RARA: variants seen among roughly 807,000 people sequenced by gnomAD.
The protein encoded by RARA is PML-DDX5-RARA fusion.
A neutral mutation model predicts 42.8 loss-of-function variants in RARA; 5 were observed. The observed-to-expected ratio is 0.12, with a 90% CI of 0.06 to 0.25. The LOEUF (loss-of-function observed/expected upper bound fraction) is 0.25, where lower values mean the gene tolerates loss of function less well. RARA is among the 10% of genes least tolerant of loss of function. The probability of loss-of-function intolerance (pLI) is 1.00; values close to 1 mark genes in which losing one functional copy is unlikely to be tolerated. For missense variants in RARA, 402 were observed against 628.7 expected (o/e 0.64, Z 3.86); for synonymous variants, 256 against 259.5 (o/e 0.99, Z 0.13).
At chr17:40,334,589 C>T (rs1447993073) in intron 2 of RARA, among the ~76,000 whole-genome samples, 1 of 152,174 alleles carries the variant, frequency 6.6e-6, no homozygotes, top group Non-Finnish European at 1.5e-5. Flanking sequence ...TTTAGCCTTC[C>T]CTGCTTGCCT....
chr17:40,351,635 A>C lies in RARA; in HGVS notation c.470-275A>C. The stretch of plus-strand genomic sequence containing the variant: ...GAGCTGGAGTAGACGCGTGGGGGAT[A>C]GCATGCGGCTGGCTATGGGGTGGGG... On this transcript the variant is annotated intron_variant, in intron 4 of 8. Coordinates refer to ENST00000254066, the MANE Select transcript of RARA (RefSeq NM_000964.4). The surrounding 1 kb of genome is among the most constrained non-coding windows in gnomAD (Gnocchi z 4.1). 1 of 517,298 alleles carries C rather than the reference A, an allele frequency of 1.9e-6. No homozygotes were observed. 32.0% of individuals were successfully genotyped at this position (517,298 alleles called of 1,614,324 possible). A position where few individuals can be genotyped will look rare whatever the true frequency, so the allele number is the denominator to read the frequency against.
At chr17:40,329,390 T>A (rs1389047468) in intron 1 of RARA, among the ~76,000 whole-genome samples, 1 of 151,730 alleles carries the variant, frequency 6.6e-6, no homozygotes, top group Non-Finnish European at 1.5e-5. Flanking sequence ...CACTGCAACC[T>A]CCACCTCCCT....
chr17:40,337,204 GC>G (rs1398244883), intron 2 of RARA, among the ~76,000 whole-genome samples: 1 of 152,256 alleles, frequency 6.6e-6, no homozygotes, highest in Non-Finnish European at 1.5e-5. Context: ...GGATTGTAAA[GC>G]TGGGCTGTTT....
At position 40,356,241 on chromosome 17, in the gene RARA, T is replaced by C; in HGVS notation, c.*15T>C. 1 of 1,548,624 alleles carries C rather than the reference T, an allele frequency of 6.5e-7. No homozygotes were observed. Among genetic ancestry groups the C allele is most frequent in the Non-Finnish European group, 8.7e-7 (1 of 1,145,740 alleles). ...ACTCCCCGTGACCGCCCACGCCACATGGACACAGCCCTCGCCCTCCGCCCC... is the reference window on the plus strand; with the variant it reads ...ACTCCCCGTGACCGCCCACGCCACACGGACACAGCCCTCGCCCTCCGCCCC... On this transcript the variant is annotated 3_prime_UTR_variant, in exon 9 of 9. Transcript: ENST00000254066.
At chr17:40,348,055 GTGA>G in intron 2 of RARA, 1 of 378,656 alleles carries the variant, frequency 2.6e-6, no homozygotes, top group Non-Finnish European at 4.7e-6. Flanking sequence ...ACATACAAAT[GTGA>G]TGGTTTATCA....
At position 40,357,542 on chromosome 17, in the gene RARA, C is replaced by T. The variant is rs756042544; in HGVS notation, c.*1316C>T. On this transcript the variant is annotated 3_prime_UTR_variant, in exon 9 of 9. Transcript: ENST00000254066. ...CTGGCTCTGCCCCGACCTCCTTCAC[C>T]AGGGGTTGGGGCCCCTTCCCCTGGA... 3 of 232,592 alleles carry T rather than the reference C, an allele frequency of 1.3e-5. No individual in the cohort carries two copies. The Admixed American group carries it at 1.7e-4, about 13-fold the overall frequency. The allele number at this position is 232,592 out of a possible 1,614,324, so 14.4% of individuals were successfully genotyped here.
chr17:40,349,294 C>G (rs926904285), intron 3 of RARA: 4 of 173,498 alleles, frequency 2.3e-5, no homozygotes, highest in African/African-American at 9.6e-5. Flanking sequence ...CGGTGCACAC[C>G]TGTCTTGGTG....
rs1010196136 is a variant in RARA, at chr17:40,351,267, G to A, written c.470-643G>A. ...CTCCCCCACCCTCCCTTCCTCCCGC[G>A]TCAGCAGCCACCACCACCAGCCCTG... On this transcript the variant is annotated intron_variant, in intron 4 of 8. Transcript: ENST00000254066. The surrounding 1 kb of genome is among the most constrained non-coding windows in gnomAD (Gnocchi z 4.1). 58 of 103,036 alleles carry A rather than the reference G, an allele frequency of 5.6e-4. No individual in the cohort carries two copies. The highest frequency in any genetic ancestry group is 9.9e-4 in the Non-Finnish European group (49 of 49,534). The allele number at this position is 103,036 out of a possible 1,614,324, so 6.4% of individuals were successfully genotyped here.
At chr17:40,336,555 A>AT (rs535798423) in intron 2 of RARA, among the ~76,000 whole-genome samples, 2,368 of 151,218 alleles carry the variant, frequency 0.016, 31 homozygotes, top group Non-Finnish European at 0.026. Flanking sequence ...TGCCCGGCTA[A>AT]TTTTTTGTAT....
intron 2 of RARA, chr17:40,342,841 C>T (rs1016241038): frequency 4.3e-6 from 7 of 1,613,062 alleles, no homozygotes; most frequent in Non-Finnish European, 5.9e-6. Context: ...CCGCTCCGGA[C>T]TCCGCTTTGG....
chr17:40,329,311 T>G (rs1318584243), intron 1 of RARA, among the ~76,000 whole-genome samples: 1 of 143,268 alleles, frequency 7.0e-6, no homozygotes, highest in Admixed American at 7.0e-5. Context: ...TGTGTGTGTG[T>G]TTTTTTTTTT....
chr17:40,317,653 T>C (rs757964658), intron 1 of RARA, among the ~76,000 whole-genome samples: 15 of 151,756 alleles, frequency 9.9e-5, no homozygotes, highest in Non-Finnish European at 1.8e-4. Flanking sequence ...CAGAGGTGTT[T>C]GGGGAAAGAA....
In RARA at chr17:40,330,962, C is replaced by T; in HGVS notation, c.-257C>T. ...CTCTGGACCTTCCCAGGAAAAGTGC[C>T]AGCTCACAGAACTGCTTGACCAAAG... is the stretch of plus-strand genomic sequence containing the variant. On this transcript the variant is annotated 5_prime_UTR_variant, in exon 2 of 9. Transcript: ENST00000254066. 2 of 441,502 alleles carry T rather than the reference C, an allele frequency of 4.5e-6. No individual in the cohort carries two copies. The highest frequency in any genetic ancestry group is 4.2e-5 in the Admixed American group (1 of 23,674). The allele number at this position is 441,502 out of a possible 1,614,324, so 27.3% of individuals were successfully genotyped here.
chr17:40,337,018 G>A (rs2033874583), intron 2 of RARA, among the ~76,000 whole-genome samples: 1 of 152,228 alleles, frequency 6.6e-6, no homozygotes, highest in Admixed American at 6.5e-5. Context: ...CCCTTTGTAG[G>A]TGGGAGCTGG....
intron 1 of RARA, among the ~76,000 whole-genome samples, chr17:40,321,320 C>T (rs1254799427): frequency 2.6e-5 from 4 of 152,044 alleles, no homozygotes; most frequent in East Asian, 1.9e-4. Flanking sequence ...TCTTGCCTCC[C>T]GCTCCAGTCC....
At chr17:40,327,479 C>A (rs768175420) in intron 1 of RARA, among the ~76,000 whole-genome samples, 1 of 152,206 alleles carries the variant, frequency 6.6e-6, no homozygotes, top group Non-Finnish European at 1.5e-5. Context: ...CTGGCAGAAG[C>A]AGCAGGTACA....
chr17:40,311,830 AG>A (rs1212946275), intron 1 of RARA, among the ~76,000 whole-genome samples: 1 of 152,140 alleles, frequency 6.6e-6, no homozygotes, highest in East Asian at 1.9e-4. Flanking sequence ...GTGGGGGCAC[AG>A]TAGCCTCTGG....
chr17:40,346,471 A>G (rs1041264328), intron 2 of RARA, among the ~76,000 whole-genome samples: 4 of 151,522 alleles, frequency 2.6e-5, no homozygotes, highest in Non-Finnish European at 5.9e-5. Flanking sequence ...ATTCTAGGCC[A>G]TGGTCCCCCC....
Position 40,354,563 on chromosome 17 carries a change from T to A in RARA, c.1012+57T>A. 1.9e-6 allele frequency: 3 copies of A among 1,574,832 alleles called. No individual in the cohort carries two copies. The South Asian group carries it at 3.4e-5, about 18-fold the overall frequency. ...CTGGGACGGGGGTGCAGCCCTGGAG[T>A]CTCTTCCAGGGAGCTCTTTCAGGCC... On this transcript the variant is annotated intron_variant, in intron 7 of 8. Coordinates refer to ENST00000254066, the MANE Select transcript of RARA (RefSeq NM_000964.4). The surrounding 1 kb of genome is among the most constrained non-coding windows in gnomAD (Gnocchi z 4.5).
Sources: gnomAD v4.1 joint callset for allele counts (sites outside exome capture counted in the v4.1 genomes callset) on GRCh38, gnomAD v4.1.1 for gene constraint, Gnocchi (gnomAD v3.1) non-coding constraint, MANE v1.5 for transcripts, NCBI Gene and HGNC (gene_info 2026-07-23, HGNC 2026-07-21) for gene names.